Variants in EPHB2 observed in about 807,000 individuals in gnomAD.
EPHB2 encodes the protein EPH receptor B2.
Under a neutral mutation model 96.4 loss-of-function variants are expected in EPHB2, and 18 were observed. The ratio of observed to expected loss-of-function variants is 0.19; its 90% CI spans 0.13 to 0.28. The LOEUF is 0.28. Ranked by LOEUF, EPHB2 falls within the 10% of genes least tolerant of loss-of-function variation. The pLI, the probability that EPHB2 is intolerant of heterozygous loss-of-function variation, is 1.00. For missense variants in EPHB2, 989 were observed against 1,355.4 expected, an observed-to-expected ratio of 0.73 and a Z score of 4.25; for synonymous variants, 506 against 534.1, an observed-to-expected ratio of 0.95 and a Z score of 0.72.
intron 3 of EPHB2, among the ~76,000 whole-genome samples, chr1:22,840,278 A>T (rs192536719): frequency 6.6e-6 from 1 of 152,172 alleles, no homozygotes; most frequent in African/African-American, 2.4e-5. Context: ...AGGAATAACG[A>T]TGACTACTTA....
chr1:22,844,262 A>C (rs1645509542), intron 3 of EPHB2, among the ~76,000 whole-genome samples: 1 of 152,238 alleles, frequency 6.6e-6, no homozygotes, highest in Non-Finnish European at 1.5e-5. Context: ...ACATTGCCAC[A>C]CTGTTATTAA....
rs1441486766 is a variant in EPHB2 at position 22,858,671 on chromosome 1, C to T, written c.812-4366C>T. Among the ~76,000 whole-genome samples, 5 of 152,138 alleles carry T rather than the reference C, an allele frequency of 3.3e-5. No homozygotes were observed. The highest frequency in any genetic ancestry group is 4.8e-5 in the African/African-American group (2 of 41,424). ...AGAAGTTGGGAGTGGTGTGGCCCCC[C>T]GGGCACTGTGGGCAGTGGCCACCCA... On this transcript the variant is annotated intron_variant, in intron 3 of 15. Coordinates refer to ENST00000374630, the MANE Select transcript of EPHB2 (RefSeq NM_017449.5). The surrounding 1 kb of genome is among the most constrained non-coding windows in gnomAD (Gnocchi z 7.7).
chr1:22,909,074 A>G lies in EPHB2; in HGVS notation c.2405A>G (p.Lys802Arg). 1 of 1,614,202 alleles carries G rather than the reference A, an allele frequency of 6.2e-7. No homozygotes were observed. The highest frequency in any genetic ancestry group is 8.5e-7 in the Non-Finnish European group (1 of 1,180,036). ...WTAPEAIQYR[K>R]FTSASDVWSY... ...GCCCCGGAAGCCATCCAGTACCGGA[A>G]GTTCACCTCGGCCAGTGATGTGTGG... is the stretch of plus-strand genomic sequence containing the variant. Residue 802 changes from lysine to arginine, a missense_variant, in exon 13 of 16, where the codon AAG becomes AGG. Physicochemically the swap from Lys to Arg is conservative, Grantham distance 26. Coordinates refer to ENST00000374630, the MANE Select transcript of EPHB2 (RefSeq NM_017449.5).
chr1:22,813,378 A>T (rs1045287883), intron 3 of EPHB2, among the ~76,000 whole-genome samples: 1 of 152,178 alleles, frequency 6.6e-6, no homozygotes, highest in Admixed American at 6.5e-5. Flanking sequence ...TCCACTAGGC[A>T]TGGGATCAAG....
chr1:22,859,259 G>T (rs910884389), intron 3 of EPHB2, among the ~76,000 whole-genome samples: 3 of 143,398 alleles, frequency 2.1e-5, no homozygotes, highest in African/African-American at 7.6e-5. Flanking sequence ...AGCAATGAGG[G>T]CAGATGGACA....
At chr1:22,713,199 G>C (rs294231) in intron 1 of EPHB2, among the ~76,000 whole-genome samples, 108,850 of 152,070 alleles carry the variant, frequency 0.72, 40,450 homozygotes, top group African/African-American at 0.92. Context: ...TCAGGCTCTT[G>C]TTCCGTTTGC....
rs2148345003 is a variant in EPHB2, at chr1:22,725,650, G to C, written c.61+14607G>C. ...TGGATTTGCCAAGGTTTTTGCACTG[G>C]GGAGTTCTGGAGAAGCTGGCCCCCA... On this transcript the variant is annotated intron_variant, in intron 1 of 15. Coordinates refer to ENST00000374630, the MANE Select transcript of EPHB2 (RefSeq NM_017449.5). Among the ~76,000 whole-genome samples, 6 of 152,264 alleles carry C rather than the reference G, an allele frequency of 3.9e-5. No homozygotes were observed. The South Asian group carries it at 1.2e-3, about 32-fold the overall frequency.
At chr1:22,792,958 AG>A (rs1437153426) in intron 3 of EPHB2, among the ~76,000 whole-genome samples, 1 of 152,114 alleles carries the variant, frequency 6.6e-6, no homozygotes, top group Non-Finnish European at 1.5e-5. Flanking sequence ...GGCCTCCAGG[AG>A]GAGGGGCCAC....
chr1:22,772,427 G>A (rs1380992509), intron 1 of EPHB2, among the ~76,000 whole-genome samples: 1 of 152,238 alleles, frequency 6.6e-6, no homozygotes, highest in Non-Finnish European at 1.5e-5. Context: ...GAGTCCTCGG[G>A]CAGAAGGATT....
At chr1:22,826,191 A>T (rs1645221175) in intron 3 of EPHB2, among the ~76,000 whole-genome samples, 1 of 152,168 alleles carries the variant, frequency 6.6e-6, no homozygotes, top group Admixed American at 6.5e-5. Flanking sequence ...TCAGGCAGTG[A>T]GTCTACTAAG....
chr1:22,792,987 G>A (rs1057162678), intron 3 of EPHB2, among the ~76,000 whole-genome samples: 9 of 152,164 alleles, frequency 5.9e-5, no homozygotes, highest in Non-Finnish European at 7.3e-5. Context: ...GAAGCTGAGC[G>A]AGGAGCAAGA....
intron 4 of EPHB2, 29 bp from the exon 5 acceptor site, chr1:22,864,848 C>T (rs776762753): frequency 6.6e-7 from 1 of 1,505,586 alleles, no homozygotes; most frequent in Non-Finnish European, 9.1e-7. Context: ...CTGAGCCCCC[C>T]ACTGACCAAC....
chr1:22,897,267 C>T (rs74061072), intron 9 of EPHB2, among the ~76,000 whole-genome samples: 3,723 of 152,236 alleles, frequency 0.024, 160 homozygotes, highest in African/African-American at 0.084. Context: ...ATCAGGGAGT[C>T]GGGGGAGAGC....
chr1:22,872,229 G>A (rs1278542556), intron 5 of EPHB2, among the ~76,000 whole-genome samples: 1 of 152,084 alleles, frequency 6.6e-6, no homozygotes, highest in Non-Finnish European at 1.5e-5. Context: ...CCTCTCTTGG[G>A]TCCTTCCACA....
At chr1:22,711,392 A>C in intron 1 of EPHB2, among the ~76,000 whole-genome samples, 1 of 143,070 alleles carries the variant, frequency 7.0e-6, no homozygotes, top group East Asian at 2.3e-4. Flanking sequence ...TGCTCCGCAC[A>C]GGGTGGAGGG....
intron 6 of EPHB2, among the ~76,000 whole-genome samples, chr1:22,891,780 GT>G (rs1639395782): frequency 8.5e-6 from 1 of 117,644 alleles, no homozygotes; most frequent in Non-Finnish European, 1.9e-5. Context: ...CAAGAGTCTG[GT>G]TTCTTTTTTT....
chr1:22,896,411 A>G lies in EPHB2; in HGVS notation c.1701-3A>G. 6.2e-7 allele frequency: 1 copy of G among 1,614,110 alleles called. No individual in the cohort carries two copies. The stretch of plus-strand genomic sequence containing the variant: ...CTCCAGCCCTTTGCTCTTGTTCCAG[A>G]AGACGGGGGTTTGAGCGTGCTGACT... On this transcript the variant is annotated splice_region_variant and splice_polypyrimidine_tract_variant and intron_variant, in intron 8 of 15. Transcript: ENST00000374630.
At chr1:22,818,746 G>A (rs6667416) in intron 3 of EPHB2, among the ~76,000 whole-genome samples, 30,720 of 151,830 alleles carry the variant, frequency 0.2, 3,600 homozygotes, top group Non-Finnish European at 0.26. Context: ...CTTAGCATCC[G>A]TTTATCCGTC....
chr1:22,897,167 CCA>C (rs1390577940), intron 9 of EPHB2, among the ~76,000 whole-genome samples: 1 of 152,102 alleles, frequency 6.6e-6, no homozygotes, highest in Non-Finnish European at 1.5e-5. Flanking sequence ...GATGTATGTG[CCA>C]CACACACAGA....
Sources: gnomAD v4.1 joint callset for allele counts (sites outside exome capture counted in the v4.1 genomes callset) on GRCh38, gnomAD v4.1.1 for gene constraint, Gnocchi (gnomAD v3.1) non-coding constraint, MANE v1.5 for transcripts, NCBI Gene and HGNC (gene_info 2026-07-23, HGNC 2026-07-21) for gene names.